SH3RF1: variants seen among roughly 807,000 people sequenced by gnomAD.
SH3RF1 encodes the protein SH3 domain containing ring finger 1.
A neutral mutation model predicts 74.0 loss-of-function variants in SH3RF1; 32 were observed. The ratio of observed to expected loss-of-function variants is 0.43; its 90% CI spans 0.33 to 0.58. The LOEUF is 0.58. SH3RF1 is among the 20% of genes least tolerant of loss of function. The pLI is 0.05. For missense variants in SH3RF1, 954 were observed against 1,130.9 expected, an observed-to-expected ratio of 0.84 and a Z score of 2.24; for synonymous variants, 396 against 439.6, an observed-to-expected ratio of 0.90 and a Z score of 1.24.
At chr4:169,233,578 C>T (rs992142876) in intron 2 of SH3RF1, among the ~76,000 whole-genome samples, 5 of 152,086 alleles carry the variant, frequency 3.3e-5, no homozygotes, top group South Asian at 2.1e-4. Context: ...TTGATAAACA[C>T]GAATTGTCAT....
chr4:169,218,705 A>T (rs1161472784), intron 2 of SH3RF1, among the ~76,000 whole-genome samples: 1 of 151,882 alleles, frequency 6.6e-6, no homozygotes, highest in African/African-American at 2.4e-5. Flanking sequence ...TTAGAGCAGC[A>T]TTACTGCCTT....
At position 169,137,368 on chromosome 4, in the gene SH3RF1, C is replaced by T. The variant is rs541675655; in HGVS notation, c.766-748G>A. Among the ~76,000 whole-genome samples the T allele has an allele frequency of 1.2e-4, 19 of 152,272 alleles. No individual in the cohort carries two copies. The South Asian group carries it at 3.9e-3, about 32-fold the overall frequency. The stretch of plus-strand genomic sequence containing the variant: ...CAGGGGTCAAAATCTGTGCACTCCA[C>T]TGATATTATCAGCAAGAAAGGAAAG... On this transcript the variant is annotated intron_variant, in intron 4 of 11. Coordinates refer to ENST00000284637, the MANE Select transcript of SH3RF1 (RefSeq NM_020870.4).
At chr4:169,248,844 T>C (rs7696050) in intron 2 of SH3RF1, among the ~76,000 whole-genome samples, 19,414 of 152,120 alleles carry the variant, frequency 0.13, 1,301 homozygotes, top group Middle Eastern at 0.21. Flanking sequence ...CTCAACATTG[T>C]TTTTGGTGAT....
At chr4:169,163,261 T>C (rs1472604287) in intron 2 of SH3RF1, among the ~76,000 whole-genome samples, 1 of 150,898 alleles carries the variant, frequency 6.6e-6, no homozygotes, top group Non-Finnish European at 1.5e-5. Context: ...TGAACAACAG[T>C]TTTCCAAATT....
rs996968679 is a variant in SH3RF1, at chr4:169,123,241, T to C, written c.1180-975A>G. Among the ~76,000 whole-genome samples, 13 of 139,418 alleles carry C rather than the reference T, an allele frequency of 9.3e-5. No homozygotes were observed. In the East Asian group the frequency reaches 2.5e-3, roughly 27 times the overall value. 91.5% of individuals were successfully genotyped at this position (139,418 alleles called of 152,430 possible). A position where few individuals can be genotyped will look rare whatever the true frequency, so the allele number is the denominator to read the frequency against. ...GAGCTTATACCAGTCATCTTATTTC[T>C]GTTTTTTGGAATAAAAATTTGAATT... On this transcript the variant is annotated intron_variant, in intron 6 of 11. Transcript: ENST00000284637.
chr4:169,242,836 G>A (rs1730934614), intron 2 of SH3RF1, among the ~76,000 whole-genome samples: 1 of 152,274 alleles, frequency 6.6e-6, no homozygotes, highest in South Asian at 2.1e-4. Flanking sequence ...GCCAGATCTG[G>A]CCCCTCAATC....
intron 2 of SH3RF1, among the ~76,000 whole-genome samples, chr4:169,168,975 A>G (rs1424498959): frequency 5.9e-5 from 9 of 152,216 alleles, no homozygotes; most frequent in Admixed American, 3.9e-4. Flanking sequence ...GCCAGCTTCA[A>G]TACTCCAAAG....
chr4:169,268,937 G>A lies in SH3RF1; in HGVS notation c.276C>T (p.Asn92=). Residue 92 remains asparagine, a synonymous_variant, in exon 2 of 12, where the codon AAC becomes AAT. Coordinates refer to ENST00000284637, the MANE Select transcript of SH3RF1 (RefSeq NM_020870.4). The stretch of plus-strand genomic sequence containing the variant: ...TCTGAGACCTTAATGCATTTGTGCA[G>A]TTGGTCCCACTTCCCCCACCAGGAC... The part of the protein sequence containing the change: ...KPGPGGGSGT[N]CTNALRSQSS... 1 of 1,614,160 alleles carries A rather than the reference G, an allele frequency of 6.2e-7. No individual in the cohort carries two copies. Among genetic ancestry groups the A allele is most frequent in the Non-Finnish European group, 8.5e-7 (1 of 1,180,038 alleles).
At chr4:169,151,977 T>C (rs962238825) in intron 4 of SH3RF1, among the ~76,000 whole-genome samples, 2 of 152,222 alleles carry the variant, frequency 1.3e-5, no homozygotes, top group African/African-American at 4.8e-5. Flanking sequence ...CAGCTCCAAA[T>C]TAATAGGGTT....
intron 2 of SH3RF1, among the ~76,000 whole-genome samples, chr4:169,217,693 G>C (rs770642879): frequency 6.6e-5 from 10 of 152,178 alleles, no homozygotes; most frequent in Non-Finnish European, 1.2e-4. Flanking sequence ...CCTGGGAGAA[G>C]GGAATAGGGA....
intron 8 of SH3RF1, among the ~76,000 whole-genome samples, chr4:169,119,595 C>T (rs1399752741): frequency 6.6e-6 from 1 of 151,934 alleles, no homozygotes; most frequent in African/African-American, 2.4e-5. Flanking sequence ...CTGTCATTTT[C>T]TGGATGGGAT....
rs1732923297 is a variant in SH3RF1, at chr4:169,096,020, A to C, written c.*499T>G. ...TAAAGAAGCAAAACATAACCCCAAA[A>C]TATAATGGTAGCAGGGAGGAGGAGA... On this transcript the variant is annotated 3_prime_UTR_variant, in exon 12 of 12. Coordinates refer to ENST00000284637, the MANE Select transcript of SH3RF1 (RefSeq NM_020870.4). 6.6e-6 allele frequency: 1 copy of C among 152,466 alleles called. No homozygotes were observed. The highest frequency in any genetic ancestry group is 1.5e-5 in the Non-Finnish European group (1 of 68,124). The allele number at this position is 152,466 out of a possible 1,614,324, so 9.4% of individuals were successfully genotyped here.
intron 5 of SH3RF1, among the ~76,000 whole-genome samples, chr4:169,132,023 G>T (rs927557210): frequency 1.3e-5 from 2 of 152,228 alleles, no homozygotes; most frequent in African/African-American, 4.8e-5. Context: ...CCCTTGAGCC[G>T]CTGCTCGGGC....
intron 2 of SH3RF1, among the ~76,000 whole-genome samples, chr4:169,265,942 T>C (rs984137288): frequency 2.0e-5 from 3 of 152,208 alleles, no homozygotes; most frequent in African/African-American, 7.2e-5. Flanking sequence ...ATCTAATTTA[T>C]ATATATGCAT....
rs529000648 is a variant in SH3RF1 at position 169,235,478 on chromosome 4, G to A, written c.393+33342C>T. Among the ~76,000 whole-genome samples the A allele has an allele frequency of 8.5e-5, 13 of 152,124 alleles. 1 individual carries two copies. The South Asian group carries it at 2.5e-3, about 29-fold the overall frequency. ...ACTATTATTATTTCCATTTAAATAT[G>A]AGCCAACTGAAGCACAGAACGGTTA... On this transcript the variant is annotated intron_variant, in intron 2 of 11. Transcript: ENST00000284637.
chr4:169,149,750 A>AAAATATAT (rs1733947317), intron 4 of SH3RF1, among the ~76,000 whole-genome samples: 2 of 152,240 alleles, frequency 1.3e-5, no homozygotes, highest in Admixed American at 1.3e-4. Flanking sequence ...TCTAAAGGAA[A>AAAATATAT]AAATATATCC....
intron 6 of SH3RF1, among the ~76,000 whole-genome samples, chr4:169,122,791 G>T (rs1733462893): frequency 6.6e-6 from 1 of 152,142 alleles, no homozygotes; most frequent in Non-Finnish European, 1.5e-5. Context: ...CACAGTCACT[G>T]GACCATTGTT....
intron 8 of SH3RF1, among the ~76,000 whole-genome samples, chr4:169,119,595 C>G (rs1399752741): frequency 6.6e-6 from 1 of 151,934 alleles, no homozygotes; most frequent in African/African-American, 2.4e-5. Context: ...CTGTCATTTT[C>G]TGGATGGGAT....
chr4:169,176,911 G>A (rs1010032733), intron 2 of SH3RF1, among the ~76,000 whole-genome samples: 3 of 151,318 alleles, frequency 2.0e-5, no homozygotes, highest in Non-Finnish European at 4.4e-5. Context: ...GCATGTTACC[G>A]TGCCTGGTTA....
Sources: gnomAD v4.1 joint callset for allele counts (sites outside exome capture counted in the v4.1 genomes callset) on GRCh38, gnomAD v4.1.1 for gene constraint, MANE v1.5 for transcripts, NCBI Gene and HGNC (gene_info 2026-07-23, HGNC 2026-07-21) for gene names.